Variants in SLC14A2 observed in about 807,000 individuals in gnomAD.
The protein encoded by SLC14A2 is urea transporter 2.
A neutral mutation model predicts 104.6 loss-of-function variants in SLC14A2; 91 were observed. That is an observed-to-expected ratio of 0.87 (90% CI 0.73 to 1.04). SLC14A2 has a LOEUF of 1.04. Among genes scored for constraint, SLC14A2 ranks in the 50% least tolerant of loss-of-function variants. The pLI, the probability that SLC14A2 is intolerant of heterozygous loss-of-function variation, is 0.00. For missense variants in SLC14A2, 1,189 were observed against 1,156.0 expected (o/e 1.03, Z -0.41); for synonymous variants, 476 against 466.4 (o/e 1.02, Z -0.27).
intron 1 of SLC14A2, among the ~76,000 whole-genome samples, chr18:45,348,917 A>G (rs2085475338): frequency 6.6e-6 from 1 of 152,204 alleles, no homozygotes; most frequent in Non-Finnish European, 1.5e-5. Context: ...TAGTCATAGA[A>G]AGACTTTGAA....
intron 7 of SLC14A2, among the ~76,000 whole-genome samples, chr18:45,640,118 G>C (rs2045497402): frequency 6.6e-6 from 1 of 151,920 alleles, no homozygotes; most frequent in South Asian, 2.1e-4. Flanking sequence ...AGAAAAAAAA[G>C]TACAAAAATT....
intron 1 of SLC14A2, among the ~76,000 whole-genome samples, chr18:45,284,991 T>C (rs1485877159): frequency 1.3e-5 from 2 of 151,976 alleles, no homozygotes; most frequent in Non-Finnish European, 2.9e-5. Flanking sequence ...TTAAATAAAC[T>C]TTTAATTCTG....
At chr18:45,311,873 T>G (rs1253922086) in intron 1 of SLC14A2, among the ~76,000 whole-genome samples, 1 of 152,202 alleles carries the variant, frequency 6.6e-6, no homozygotes, top group Non-Finnish European at 1.5e-5. Context: ...TGGCAGATTA[T>G]GCAGAGGCCA....
chr18:45,458,669 C>G (rs1048877919), intron 1 of SLC14A2, among the ~76,000 whole-genome samples: 1 of 152,148 alleles, frequency 6.6e-6, no homozygotes, highest in Non-Finnish European at 1.5e-5. Flanking sequence ...TCTAGTCCAG[C>G]CTCCTCTTTT....
At chr18:45,399,456 C>G (rs572027192) in intron 1 of SLC14A2, among the ~76,000 whole-genome samples, 1 of 152,128 alleles carries the variant, frequency 6.6e-6, no homozygotes, top group Non-Finnish European at 1.5e-5. Context: ...TGAACACCTT[C>G]CTAGAGCCTT....
intron 1 of SLC14A2, among the ~76,000 whole-genome samples, chr18:45,421,979 G>T (rs1468933203): frequency 6.6e-6 from 1 of 152,188 alleles, no homozygotes; most frequent in African/African-American, 2.4e-5. Flanking sequence ...TGGGACAGGA[G>T]GTTATACCAC....
chr18:45,300,242 T>G (rs573367481), intron 1 of SLC14A2, among the ~76,000 whole-genome samples: 1 of 152,300 alleles, frequency 6.6e-6, no homozygotes, highest in Non-Finnish European at 1.5e-5. Context: ...ATGTGTTGTA[T>G]GTTTATCATC....
chr18:45,455,961 G>A (rs545277128), intron 1 of SLC14A2, among the ~76,000 whole-genome samples: 2 of 152,298 alleles, frequency 1.3e-5, no homozygotes, highest in South Asian at 4.1e-4. Flanking sequence ...CTAAAGTAAA[G>A]GAAAGAGGAA....
chr18:45,576,082 C>T (rs1285503528), intron 2 of SLC14A2, among the ~76,000 whole-genome samples: 1 of 152,116 alleles, frequency 6.6e-6, no homozygotes, highest in Admixed American at 6.5e-5. Context: ...AGAACTGTAA[C>T]TCTAATCATC....
intron 1 of SLC14A2, among the ~76,000 whole-genome samples, chr18:45,296,611 G>C (rs1426435009): frequency 1.3e-5 from 2 of 152,140 alleles, no homozygotes; most frequent in Non-Finnish European, 2.9e-5. Flanking sequence ...CTGGAATGTT[G>C]CTGTTGGGCA....
At chr18:45,322,459 A>G (rs148434567) in intron 1 of SLC14A2, among the ~76,000 whole-genome samples, 27 of 152,366 alleles carry the variant, frequency 1.8e-4, no homozygotes, top group Middle Eastern at 3.4e-3. Context: ...GTATAAGAAC[A>G]GAATGGGACT....
At chr18:45,299,000 C>G (rs540590661) in intron 1 of SLC14A2, among the ~76,000 whole-genome samples, 2 of 152,074 alleles carry the variant, frequency 1.3e-5, no homozygotes, top group South Asian at 4.2e-4. Flanking sequence ...TGCAGAGTAA[C>G]TGATAAAGCC....
chr18:45,190,606 T>G, the SLC14A2 span, among the ~76,000 whole-genome samples: 1 of 152,180 alleles, frequency 6.6e-6, no homozygotes, highest in South Asian at 2.1e-4. Context: ...CTGGTTCACT[T>G]CCTGGTTTGT....
chr18:45,361,200 G>T (rs1401112754), intron 1 of SLC14A2, among the ~76,000 whole-genome samples: 1 of 152,178 alleles, frequency 6.6e-6, no homozygotes, highest in Non-Finnish European at 1.5e-5. Flanking sequence ...GTCATCATGT[G>T]TGTGATTTTT....
Position 45,630,937 on chromosome 18 carries a change from C to T in SLC14A2, c.522-1413C>T, listed in dbSNP as rs149926149. Among the ~76,000 whole-genome samples, 3 of 152,236 alleles carry T rather than the reference C, an allele frequency of 2.0e-5. No individual in the cohort carries two copies. In the East Asian group the frequency reaches 5.8e-4, roughly 29 times the overall value. ...CTGTCTAGATATGCTCTCTCCTGCC[C>T]CTTTCCCATCCTCCTGCTCTCCTCT... On this transcript the variant is annotated intron_variant, in intron 4 of 19. Coordinates refer to ENST00000255226, the MANE Select transcript of SLC14A2 (RefSeq NM_007163.4).
chr18:45,358,917 G>A lies in SLC14A2; in HGVS notation c.-124-124316G>A, dbSNP rs981687104. ...TAAATGTACAATGTATGACCAAACC[G>A]GTATAGCACAGAGAAAGGAAGGTGA... is the stretch of plus-strand genomic sequence containing the variant. On this transcript the variant is annotated intron_variant, in intron 1 of 20. Transcript: ENST00000586448. Among the ~76,000 whole-genome samples, 13 of 152,030 alleles carry A rather than the reference G, an allele frequency of 8.6e-5. 1 individual carries two copies. In the South Asian group the frequency reaches 1.0e-3, roughly 12 times the overall value.
chr18:45,681,692 T>G (rs142832344), intron 19 of SLC14A2, among the ~76,000 whole-genome samples: 5 of 152,324 alleles, frequency 3.3e-5, no homozygotes, highest in African/African-American at 9.6e-5. Flanking sequence ...GACGGGTTAC[T>G]TCTACTGCAC....
At chr18:45,590,883 A>G (rs1353840935) in intron 2 of SLC14A2, among the ~76,000 whole-genome samples, 2 of 152,216 alleles carry the variant, frequency 1.3e-5, no homozygotes, top group Non-Finnish European at 2.9e-5. Flanking sequence ...CAACGTAATG[A>G]TATTATCCCC....
chr18:45,559,860 C>T (rs1477450104), intron 2 of SLC14A2, among the ~76,000 whole-genome samples: 2 of 152,196 alleles, frequency 1.3e-5, no homozygotes, highest in African/African-American at 4.8e-5. Flanking sequence ...CAGGATCCAC[C>T]ATTAGCTGAA....
Sources: allele counts gnomAD v4.1 joint callset (sites outside exome capture counted in the v4.1 genomes callset), GRCh38; gene constraint gnomAD v4.1.1; transcripts MANE v1.5; gene names NCBI Gene and HGNC (gene_info 2026-07-23, HGNC 2026-07-21).